LARP6: variants seen among roughly 807,000 people sequenced by gnomAD.
The protein encoded by LARP6 is la-related protein 6.
Under a neutral mutation model 32.8 loss-of-function variants are expected in LARP6, and 18 were observed. The observed-to-expected ratio is 0.55, with a 90% CI of 0.38 to 0.81. The LOEUF is 0.81. Ranked by LOEUF, LARP6 falls within the 40% of genes least tolerant of loss-of-function variation. The pLI is 0.00. For missense variants in LARP6, 598 were observed against 663.1 expected, an observed-to-expected ratio of 0.90 and a Z score of 1.08; for synonymous variants, 289 against 267.2, an observed-to-expected ratio of 1.08 and a Z score of -0.80.
intron 1 of LARP6, among the ~76,000 whole-genome samples, chr15:70,845,750 T>C (rs924181146): frequency 1.3e-5 from 2 of 152,186 alleles, no homozygotes; most frequent in Non-Finnish European, 2.9e-5. Context: ...CCCTCTGCAG[T>C]TGCACACTCC....
At chr15:70,847,326 G>T (rs532127830) in intron 1 of LARP6, among the ~76,000 whole-genome samples, 19 of 152,032 alleles carry the variant, frequency 1.2e-4, no homozygotes, top group Admixed American at 3.3e-4. Flanking sequence ...GAAATAAAGG[G>T]GTACATTTTA....
intron 1 of LARP6, among the ~76,000 whole-genome samples, chr15:70,843,310 AT>A (rs2032288859): frequency 6.6e-6 from 1 of 152,160 alleles, no homozygotes; most frequent in African/African-American, 2.4e-5. Flanking sequence ...TCATCAAAAC[AT>A]TTTTCCAAAA....
chr15:70,832,338 G>C lies in LARP6; in HGVS notation c.1190C>G (p.Pro397Arg), dbSNP rs1344161301. 1.2e-6 allele frequency: 2 copies of C among 1,614,122 alleles called. No homozygotes were observed. Among genetic ancestry groups the C allele is most frequent in the Non-Finnish European group, 1.7e-6 (2 of 1,180,050 alleles). ...GTTCAGTCTACCTTCCTCCGCCAGT[G>C]GGGACTTTCTGGAAACGCCTTTGCG... ...AQRKGVSRKS[P>R]LAEEGRLNCS... is the part of the protein sequence containing the mutation. The change falls in exon 3 of 3, where the codon CCA becomes CGA. Residue 397 changes from proline to arginine, a missense_variant. Physicochemically the swap from Pro to Arg is moderately radical, Grantham distance 103. Transcript: ENST00000299213.
chr15:70,832,350 G>A lies in LARP6; in HGVS notation c.1178C>T (p.Ser393Phe). ...TTCCTCCGCCAGTGGGGACTTTCTG[G>A]AAACGCCTTTGCGTTGGGCCAAGGG... is the stretch of plus-strand genomic sequence containing the variant. Reference protein sequence around the residue: ...SSPLAQRKGVSRKSPLAEEGR... With the variant: ...SSPLAQRKGVFRKSPLAEEGR... The change falls in exon 3 of 3, where the codon TCC (serine) becomes TTC (phenylalanine). Residue 393 changes from serine to phenylalanine, a missense_variant. Coordinates refer to ENST00000299213, the MANE Select transcript of LARP6 (RefSeq NM_018357.4). The A allele has an allele frequency of 6.2e-7, 1 of 1,614,208 alleles. No individual in the cohort carries two copies.
At chr15:70,839,137 A>C (rs2032204460) in intron 1 of LARP6, among the ~76,000 whole-genome samples, 1 of 152,180 alleles carries the variant, frequency 6.6e-6, no homozygotes, top group African/African-American at 2.4e-5. Flanking sequence ...CTGATGTCTC[A>C]AGGTAAATGT....
intron 1 of LARP6, among the ~76,000 whole-genome samples, chr15:70,848,068 A>G (rs1388557138): frequency 6.6e-6 from 1 of 152,266 alleles, no homozygotes; most frequent in African/African-American, 2.4e-5. Flanking sequence ...TGATAATGCA[A>G]TATAAAAACA....
Position 70,832,474 on chromosome 15 carries a change from C to T in LARP6, c.1054G>A (p.Gly352Ser). ...TTGTTGGTGGCCGCGTGCCGTCGGCCCGCCATAGGGGATGTGGGGTTGCTC... is the reference window on the plus strand; with the variant it reads ...TTGTTGGTGGCCGCGTGCCGTCGGCTCGCCATAGGGGATGTGGGGTTGCTC... ...PESNPTSPMA[G>S]RRHAATNKLS... The change falls in exon 3 of 3, where the codon GGC (glycine) becomes AGC (serine). Residue 352 changes from glycine (G) to serine (S), a missense_variant. Transcript: ENST00000299213. 1 of 1,550,868 alleles carries T rather than the reference C, an allele frequency of 6.4e-7. No homozygotes were observed. The highest frequency in any genetic ancestry group is 1.3e-5 in the South Asian group (1 of 78,778).
At chr15:70,835,441 A>G (rs1215208812) in intron 2 of LARP6, among the ~76,000 whole-genome samples, 1 of 152,230 alleles carries the variant, frequency 6.6e-6, no homozygotes, top group Non-Finnish European at 1.5e-5. Context: ...GACAATGAGC[A>G]TATTTGATGA....
At position 70,832,601 on chromosome 15, in the gene LARP6, C is replaced by T. The variant is rs751560967; in HGVS notation, c.927G>A (p.Glu309=). The change falls in exon 3 of 3, where the codon GAG becomes GAA. Residue 309 remains glutamate (E), a synonymous_variant. Transcript: ENST00000299213. ...KPAKDKNHDE[E]PTASIHLNKS... is the part of the protein sequence containing the mutation. The stretch of plus-strand genomic sequence containing the variant: ...TGTTCAGGTGGATGCTCGCAGTGGG[C>T]TCCTCGTCATGATTTTTGTCTTTGG... The T allele has an allele frequency of 1.7e-5, 28 of 1,602,078 alleles. No homozygotes were observed. Among genetic ancestry groups the T allele is most frequent in the Non-Finnish European group, 2.3e-5 (27 of 1,175,332 alleles).
At chr15:70,835,616 T>C (rs2032133100) in intron 2 of LARP6, among the ~76,000 whole-genome samples, 1 of 152,224 alleles carries the variant, frequency 6.6e-6, no homozygotes, top group South Asian at 2.1e-4. Flanking sequence ...ACAGGCCGCG[T>C]AGTGCTTTTC....
Position 70,841,239 on chromosome 15 carries a change from A to G in LARP6, c.201-4734T>C, listed in dbSNP as rs539392977. Among the ~76,000 whole-genome samples the G allele has an allele frequency of 3.3e-5, 5 of 152,154 alleles. No homozygotes were observed. The South Asian group carries it at 1.0e-3, about 32-fold the overall frequency. ...GGCAGTATAATTTCTCAATCTCTCT[A>G]ATGCTTATTCCAGAGCTTCCCAATC... On this transcript the variant is annotated intron_variant, in intron 1 of 2. Transcript: ENST00000299213.
Position 70,854,146 on chromosome 15 carries a change from T to G in LARP6, c.-58A>C, listed in dbSNP as rs1381797581. 2.5e-6 allele frequency: 3 copies of G among 1,183,944 alleles called. No homozygotes were observed. In the Admixed American group the frequency reaches 1.3e-4, roughly 53 times the overall value. 73.3% of individuals were successfully genotyped at this position (1,183,944 alleles called of 1,614,324 possible). On this transcript the variant is annotated 5_prime_UTR_variant, in exon 1 of 3. Coordinates refer to ENST00000299213, the MANE Select transcript of LARP6 (RefSeq NM_018357.4). ...CACGCCGCAAGGCCCAGCCAGCCGG[T>G]CGGCAGCGACTGCGACGAGGGGGCG...
intron 1 of LARP6, chr15:70,849,391 AAAAAT>A (rs1167226302): frequency 1.3e-5 from 2 of 156,452 alleles, no homozygotes; most frequent in Non-Finnish European, 2.8e-5. Context: ...AAACAAACAA[AAAAAT>A]ATATATATAT....
intron 1 of LARP6, among the ~76,000 whole-genome samples, chr15:70,840,927 T>C (rs184358365): frequency 0.014 from 2,088 of 151,664 alleles, 24 homozygotes; most frequent in Non-Finnish European, 0.022. Flanking sequence ...TTTTTTTTTT[T>C]TTAAGAGACA....
rs1198012222 is a variant in LARP6, at chr15:70,831,740, T to A, written c.*312A>T. 2 of 207,930 alleles carry A rather than the reference T, an allele frequency of 9.6e-6. No individual in the cohort carries two copies. Among genetic ancestry groups the A allele is most frequent in the African/African-American group, 4.6e-5 (2 of 43,536 alleles). 12.9% of individuals were successfully genotyped at this position (207,930 alleles called of 1,614,324 possible). On this transcript the variant is annotated 3_prime_UTR_variant, in exon 3 of 3. Transcript: ENST00000299213. ...TTCCATACCAAAGAAGAGAGAAAAA[T>A]TCCATACCAAAGAACAGACTTCCCC...
At chr15:70,836,540 A>G (rs370669434) in intron 1 of LARP6, 35 bp from the exon 2 acceptor site, 2 of 1,565,292 alleles carry the variant, frequency 1.3e-6, no homozygotes, top group African/African-American at 2.7e-5. Flanking sequence ...TGTTAGGGTC[A>G]ACGTTGAACT....
intron 1 of LARP6, chr15:70,853,221 C>A (rs892499141): frequency 1.5e-5 from 2 of 131,286 alleles, no homozygotes; most frequent in Admixed American, 7.7e-5. Context: ...AACACCCCCC[C>A]CCCGCCCCCC....
intron 1 of LARP6, among the ~76,000 whole-genome samples, chr15:70,845,578 C>T (rs2032331373): frequency 6.6e-6 from 1 of 152,174 alleles, no homozygotes; most frequent in South Asian, 2.1e-4. Flanking sequence ...CGGGTTTCTC[C>T]CCTGTAAAAC....
rs772393733 is a variant in LARP6 at position 70,836,494 on chromosome 15, G to A, written c.212C>T (p.Ala71Val). 9.3e-6 allele frequency: 15 copies of A among 1,613,926 alleles called. 1 individual carries two copies. In the South Asian group the frequency reaches 1.4e-4, roughly 15 times the overall value. ...EPSRGHSGTT[A>V]SGGENEREDL... ...CTCACGCTCGTTCTCACCTCCACTT[G>A]CAGTGGTGCCACTGAGACCAGAAGG... Residue 71 changes from alanine (A) to valine (V), a missense_variant, in exon 2 of 3, where the codon GCA becomes GTA. This residue lies in a region of LARP6 where 161 missense variants were observed against 148.6 expected (regional missense o/e 1.08). Transcript: ENST00000299213.
Sources: gnomAD v4.1 joint callset for allele counts (sites outside exome capture counted in the v4.1 genomes callset) on GRCh38, gnomAD v4.1.1 for gene constraint, gnomAD v4.1.1 regional missense constraint, MANE v1.5 for transcripts, NCBI Gene and HGNC (gene_info 2026-07-23, HGNC 2026-07-21) for gene names.